RGS6: variants seen among roughly 807,000 people sequenced by gnomAD.
The protein encoded by RGS6 is regulator of G protein signaling 6.
Under a neutral mutation model 78.5 loss-of-function variants are expected in RGS6, and 30 were observed. The observed-to-expected ratio is 0.38, with a 90% CI of 0.29 to 0.52. The LOEUF (loss-of-function observed/expected upper bound fraction) is 0.52. Ranked by LOEUF, RGS6 falls within the 20% of genes least tolerant of loss-of-function variation. The pLI, the probability that RGS6 is intolerant of heterozygous loss-of-function variation, is 0.85. For synonymous variants in RGS6, 206 were observed against 206.0 expected (o/e 1.00, Z 0.00); for missense variants, 495 against 609.7 (o/e 0.81, Z 1.98).
chr14:72,092,963 C>T (rs1238257350), intron 2 of RGS6, among the ~76,000 whole-genome samples: 2 of 152,050 alleles, frequency 1.3e-5, no homozygotes, highest in Admixed American at 6.6e-5. Context: ...GTTGTTGGGT[C>T]TCTGGATCCT....
intron 2 of RGS6, among the ~76,000 whole-genome samples, chr14:72,183,843 A>G (rs960509232): frequency 1.3e-4 from 20 of 152,186 alleles, no homozygotes; most frequent in Admixed American, 2.6e-4. Flanking sequence ...GGGAAGGAGT[A>G]TAGTAAGCTT....
intron 3 of RGS6, among the ~76,000 whole-genome samples, chr14:72,361,817 A>C (rs1480699790): frequency 6.6e-6 from 1 of 152,140 alleles, no homozygotes. Context: ...ATGGGAGTCA[A>C]AGCTGAGTGT....
intron 3 of RGS6, among the ~76,000 whole-genome samples, chr14:72,380,775 A>T (rs1250626735): frequency 2.6e-5 from 4 of 152,112 alleles, no homozygotes; most frequent in Non-Finnish European, 5.9e-5. Flanking sequence ...TCCTCAAAAC[A>T]CTAAAAATAG....
At chr14:72,547,495 C>T (rs1448320414) in intron 17 of RGS6, 2 of 661,834 alleles carry the variant, frequency 3.0e-6, no homozygotes, top group African/African-American at 3.6e-5. Context: ...GAAAGCATGA[C>T]ATTTTGGAAG....
intron 2 of RGS6, among the ~76,000 whole-genome samples, chr14:71,995,444 G>A (rs531309621): frequency 6.6e-5 from 10 of 152,280 alleles, no homozygotes; most frequent in Middle Eastern, 3.4e-3. Flanking sequence ...TGCCTCACAG[G>A]GACATAAGTG....
intron 2 of RGS6, among the ~76,000 whole-genome samples, chr14:72,207,166 C>T (rs370986915): frequency 3.9e-5 from 6 of 152,118 alleles, no homozygotes; most frequent in African/African-American, 1.4e-4. Context: ...ATTAATCTTC[C>T]ATACCTTTTT....
intron 3 of RGS6, among the ~76,000 whole-genome samples, chr14:72,404,537 C>T (rs990005611): frequency 6.6e-6 from 1 of 152,238 alleles, no homozygotes; most frequent in Non-Finnish European, 1.5e-5. Flanking sequence ...GGTTGCAAGT[C>T]TCTGCCAGCA....
chr14:72,009,184 A>G (rs142933346), intron 2 of RGS6, among the ~76,000 whole-genome samples: 9 of 152,276 alleles, frequency 5.9e-5, no homozygotes, highest in Non-Finnish European at 1.0e-4. Flanking sequence ...GCAAGATGCC[A>G]TTTCTGAAAA....
the RGS6 span, among the ~76,000 whole-genome samples, chr14:72,606,357 C>T: frequency 1.5e-4 from 23 of 152,292 alleles, no homozygotes; most frequent in South Asian, 4.2e-4. Context: ...AGTCAAATGT[C>T]ACCCAGCCAG....
At chr14:72,211,478 A>T (rs2044134120) in intron 2 of RGS6, among the ~76,000 whole-genome samples, 1 of 152,230 alleles carries the variant, frequency 6.6e-6, no homozygotes, top group African/African-American at 2.4e-5. Context: ...TTAGCTGTAA[A>T]GACAGTAGTA....
intron 2 of RGS6, among the ~76,000 whole-genome samples, chr14:72,316,281 C>T (rs2070181762): frequency 6.6e-6 from 1 of 152,044 alleles, no homozygotes; most frequent in Non-Finnish European, 1.5e-5. Flanking sequence ...TACATGTGCA[C>T]AATGTGCAGG....
chr14:72,539,523 G>C (rs891501162), intron 16 of RGS6, among the ~76,000 whole-genome samples: 2 of 152,220 alleles, frequency 1.3e-5, no homozygotes, highest in Non-Finnish European at 2.9e-5. Flanking sequence ...TCCTAAGGCA[G>C]ACTCATGGAT....
At chr14:72,514,236 G>A (rs2096913221) in intron 14 of RGS6, among the ~76,000 whole-genome samples, 2 of 152,286 alleles carry the variant, frequency 1.3e-5, no homozygotes, top group South Asian at 4.2e-4. Flanking sequence ...TGGTTGACCA[G>A]CAGAGGGCAT....
chr14:72,257,888 A>G (rs1418466304), intron 2 of RGS6, among the ~76,000 whole-genome samples: 1 of 152,216 alleles, frequency 6.6e-6, no homozygotes, highest in Non-Finnish European at 1.5e-5. Flanking sequence ...CTGCTTAAAC[A>G]AGTTTAAAAA....
intron 2 of RGS6, among the ~76,000 whole-genome samples, chr14:72,052,024 G>A (rs1486571353): frequency 2.6e-5 from 4 of 152,148 alleles, no homozygotes; most frequent in Admixed American, 2.6e-4. Context: ...CTAGGTACCT[G>A]TGCAAACGTC....
chr14:72,402,582 A>G (rs74824100), intron 3 of RGS6, among the ~76,000 whole-genome samples: 21,606 of 152,040 alleles, frequency 0.14, 1,888 homozygotes, highest in African/African-American at 0.25. Flanking sequence ...TAGAACGGCT[A>G]TGATCAAAAA....
At chr14:72,374,557 C>A (rs1449481900) in intron 3 of RGS6, among the ~76,000 whole-genome samples, 1 of 152,212 alleles carries the variant, frequency 6.6e-6, no homozygotes, top group Non-Finnish European at 1.5e-5. Context: ...GTACTGCCCC[C>A]AGCTACCAGG....
At chr14:72,402,796 T>TG (rs2092575828) in intron 3 of RGS6, among the ~76,000 whole-genome samples, 6 of 138,382 alleles carry the variant, frequency 4.3e-5, no homozygotes, top group South Asian at 2.5e-4. Flanking sequence ...TTTGGTTTTT[T>TG]TTTTTTTTTT....
chr14:71,931,036 G>A (rs180864728), upstream of RGS6, among the ~76,000 whole-genome samples: 754 of 127,722 alleles, frequency 5.9e-3, 3 homozygotes, highest in Admixed American at 9.5e-3. Context: ...CCTCAAAGCG[G>A]AAGTTTCCCT....
Sources: allele counts gnomAD v4.1 joint callset (sites outside exome capture counted in the v4.1 genomes callset), GRCh38; gene constraint gnomAD v4.1.1; transcripts MANE v1.5; gene names NCBI Gene and HGNC (gene_info 2026-07-23, HGNC 2026-07-21).